The following TEX36 variants were observed in gnomAD, a reference collection of about 807,000 sequenced individuals.
TEX36 encodes testis-expressed protein 36.
Under a neutral mutation model 13.6 loss-of-function variants are expected in TEX36, and 12 were observed. That is an observed-to-expected ratio of 0.88 (90% CI 0.56 to 1.43). The LOEUF is 1.43. Ranked by LOEUF, TEX36 falls within the 40% of genes most tolerant of loss-of-function variation. TEX36 has a pLI of 0.00. For missense variants in TEX36, 224 were observed against 228.3 expected, an observed-to-expected ratio of 0.98 and a Z score of 0.12; for synonymous variants, 93 against 83.0, an observed-to-expected ratio of 1.12 and a Z score of -0.65.
intron 3 of TEX36, among the ~76,000 whole-genome samples, chr10:125,587,552 C>T (rs541746490): frequency 3.3e-5 from 5 of 152,064 alleles, no homozygotes; most frequent in East Asian, 3.9e-4. Flanking sequence ...CTTTGGAGGC[C>T]GAGGTTGGCA....
At chr10:125,680,891 C>T (rs904727833) in intron 1 of TEX36, among the ~76,000 whole-genome samples, 2 of 152,140 alleles carry the variant, frequency 1.3e-5, no homozygotes, top group African/African-American at 4.8e-5. Context: ...AAAATTTCTT[C>T]CTATGAAATG....
intron 3 of TEX36, chr10:125,576,992 C>T: frequency 2.2e-6 from 3 of 1,337,476 alleles, no homozygotes; most frequent in Admixed American, 4.2e-5. Flanking sequence ...AAAAACACCC[C>T]AGAGAAGGAT....
chr10:125,603,659 C>A (rs758365470), intron 3 of TEX36, among the ~76,000 whole-genome samples: 22 of 152,308 alleles, frequency 1.4e-4, no homozygotes, highest in Non-Finnish European at 1.9e-4. Context: ...TGTGGCAGGG[C>A]ATGCAGCCAC....
intron 1 of TEX36, among the ~76,000 whole-genome samples, chr10:125,681,073 A>G (rs1847385339): frequency 6.6e-6 from 1 of 152,128 alleles, no homozygotes; most frequent in Admixed American, 6.5e-5. Flanking sequence ...GCAGGAAAGT[A>G]TTGTTTTCCT....
At chr10:125,658,158 A>G (rs990282250) in intron 3 of TEX36, among the ~76,000 whole-genome samples, 2 of 152,178 alleles carry the variant, frequency 1.3e-5, no homozygotes, top group African/African-American at 4.8e-5. Flanking sequence ...GCTGCATTAT[A>G]TTTATAATAG....
downstream of TEX36, chr10:125,655,663 T>G: frequency 8.3e-7 from 1 of 1,210,046 alleles, no homozygotes; most frequent in Non-Finnish European, 1.0e-6. Flanking sequence ...GACCGTATAT[T>G]AAGGATGTAC....
At chr10:125,627,606 G>A (rs1489249333) in intron 3 of TEX36, among the ~76,000 whole-genome samples, 1 of 152,190 alleles carries the variant, frequency 6.6e-6, no homozygotes, top group Non-Finnish European at 1.5e-5. Context: ...AATAAAAAGA[G>A]TGAAACAAAT....
chr10:125,652,234 C>G (rs745340569), downstream of TEX36, among the ~76,000 whole-genome samples: 1 of 152,170 alleles, frequency 6.6e-6, no homozygotes, highest in African/African-American at 2.4e-5. Context: ...TGCTACCTAA[C>G]TTTGAACTAT....
chr10:125,668,022 G>A, intron 1 of TEX36: 1 of 683,978 alleles, frequency 1.5e-6, no homozygotes, highest in Non-Finnish European at 2.6e-6. Flanking sequence ...GAGGCCCTTG[G>A]TTGTCAACAG....
intron 1 of TEX36, among the ~76,000 whole-genome samples, chr10:125,665,771 A>G (rs1847111046): frequency 6.6e-6 from 1 of 152,194 alleles, no homozygotes; most frequent in Non-Finnish European, 1.5e-5. Flanking sequence ...TAGAGGTTGC[A>G]TTGAACCTGT....
At chr10:125,605,160 C>G (rs867714421) in intron 3 of TEX36, among the ~76,000 whole-genome samples, 5 of 152,180 alleles carry the variant, frequency 3.3e-5, no homozygotes, top group Admixed American at 1.3e-4. Context: ...AGGCACAGCA[C>G]GCAGGGCAGC....
At chr10:125,610,296 C>A (rs1391811093) in intron 3 of TEX36, among the ~76,000 whole-genome samples, 1 of 152,214 alleles carries the variant, frequency 6.6e-6, no homozygotes, top group Non-Finnish European at 1.5e-5. Context: ...TTTCACTTTA[C>A]TCTGGTGGCT....
chr10:125,640,648 C>A (rs1190044696), intron 3 of TEX36, among the ~76,000 whole-genome samples: 3 of 152,124 alleles, frequency 2.0e-5, no homozygotes, highest in Non-Finnish European at 4.4e-5. Context: ...CCAGGATTAG[C>A]GCAATTGACT....
At chr10:125,596,772 C>T (rs915773044) in intron 3 of TEX36, among the ~76,000 whole-genome samples, 7 of 152,114 alleles carry the variant, frequency 4.6e-5, no homozygotes, top group Non-Finnish European at 1.0e-4. Flanking sequence ...GCCCTATAGT[C>T]CCACTGGCAA....
intron 3 of TEX36, chr10:125,640,020 T>C: frequency 3.4e-6 from 1 of 291,804 alleles, no homozygotes; most frequent in Non-Finnish European, 5.1e-6. Flanking sequence ...CAACCATGTG[T>C]TCTCAGCAGA....
At chr10:125,609,216 G>A (rs1846259471) in intron 3 of TEX36, among the ~76,000 whole-genome samples, 1 of 151,984 alleles carries the variant, frequency 6.6e-6, no homozygotes, top group South Asian at 2.1e-4. Flanking sequence ...GGTTGGAGAG[G>A]TGGGAGAGGG....
intron 1 of TEX36, among the ~76,000 whole-genome samples, chr10:125,673,163 A>T (rs1238782618): frequency 6.6e-6 from 1 of 152,160 alleles, no homozygotes; most frequent in African/African-American, 2.4e-5. Flanking sequence ...TGATCCTGTC[A>T]TCATGATGTT....
At chr10:125,674,579 G>A (rs540624701) in intron 1 of TEX36, among the ~76,000 whole-genome samples, 1 of 152,140 alleles carries the variant, frequency 6.6e-6, no homozygotes, top group Non-Finnish European at 1.5e-5. Flanking sequence ...CAATCTTTGA[G>A]GCTGCTGACC....
At position 125,655,923 on chromosome 10, in the gene TEX36, C is replaced by T; in HGVS notation, c.538G>A (p.Val180Ile). 1 of 1,531,182 alleles carries T rather than the reference C, an allele frequency of 6.5e-7. No individual in the cohort carries two copies. The highest frequency in any genetic ancestry group is 8.8e-7 in the Non-Finnish European group (1 of 1,137,086). 94.8% of individuals were successfully genotyped at this position (1,531,182 alleles called of 1,614,324 possible). A position where few individuals can be genotyped will look rare whatever the true frequency, so the allele number is the denominator to read the frequency against. ...PKVRFTVDKKVVSSLES is the reference protein window; with the variant it reads ...PKVRFTVDKKIVSSLES ...GATTAGGACTCCAGTGAAGAAACAACCTTTTTGTCAACAGTGAACCTTACT... is the reference window on the plus strand; with the variant it reads ...GATTAGGACTCCAGTGAAGAAACAATCTTTTTGTCAACAGTGAACCTTACT... The change falls in exon 4 of 4, where the codon GTT becomes ATT. Residue 180 changes from valine (V) to isoleucine (I), a missense_variant. Coordinates refer to ENST00000368821, the MANE Select transcript of TEX36 (RefSeq NM_001128202.3).
Sources: allele counts gnomAD v4.1 joint callset (sites outside exome capture counted in the v4.1 genomes callset), GRCh38; gene constraint gnomAD v4.1.1; transcripts MANE v1.5; gene names NCBI Gene and HGNC (gene_info 2026-07-23, HGNC 2026-07-21).